The following THSD7A variants were observed in gnomAD, a reference collection of about 807,000 sequenced individuals.
The protein encoded by THSD7A is thrombospondin type 1 domain containing 7A.
In THSD7A, 96 loss-of-function variants were observed where a neutral mutation model predicts 231.3. The ratio of observed to expected loss-of-function variants is 0.41; its 90% confidence interval spans 0.35 to 0.49. THSD7A has a LOEUF of 0.49. Among genes scored for constraint, THSD7A ranks in the 20% least tolerant of loss-of-function variants. The pLI, the probability that THSD7A is intolerant of heterozygous loss-of-function variation, is 0.05. For synonymous variants in THSD7A, 940 were observed against 743.3 expected (o/e 1.26, Z -4.30); for missense variants, 2,290 against 2,070.2 (o/e 1.11, Z -2.06).
chr7:11,779,938 C>G (rs921961954), intron 1 of THSD7A, among the ~76,000 whole-genome samples: 3 of 152,176 alleles, frequency 2.0e-5, no homozygotes, highest in Non-Finnish European at 4.4e-5. Context: ...CAATGCACGT[C>G]TTTGGGTTTC....
chr7:11,805,113 G>A (rs1469158292), intron 1 of THSD7A, among the ~76,000 whole-genome samples: 2 of 152,044 alleles, frequency 1.3e-5, no homozygotes, highest in Admixed American at 1.3e-4. Context: ...AGCCTCTACT[G>A]TGTCCCTGAG....
chr7:11,390,668 G>A (rs10950346), intron 23 of THSD7A, among the ~76,000 whole-genome samples: 2 of 152,020 alleles, frequency 1.3e-5, no homozygotes, highest in East Asian at 3.9e-4. Flanking sequence ...GAGGGGAAGA[G>A]GCATTCTGGT....
chr7:11,821,447 C>T (rs1028989370), intron 1 of THSD7A, among the ~76,000 whole-genome samples: 34 of 150,392 alleles, frequency 2.3e-4, no homozygotes, highest in African/African-American at 7.8e-4. Flanking sequence ...ATATTAGAAA[C>T]ATTTAATTTG....
rs568539143 is a variant in THSD7A at position 11,374,118 on chromosome 7, A to G, written c.*1676T>C. On this transcript the variant is annotated 3_prime_UTR_variant, in exon 28 of 28. Coordinates refer to ENST00000423059, the MANE Select transcript of THSD7A (RefSeq NM_015204.3). ...ATGACACCATGGAGAGCTAGCATTA[A>G]AAAACATCCAGACCAGGGGTCAGCA... 1 of 152,244 alleles carries G rather than the reference A, an allele frequency of 6.6e-6. No homozygotes were observed. The highest frequency in any genetic ancestry group is 1.9e-4 in the East Asian group (1 of 5,186). The allele number at this position is 152,244 out of a possible 1,614,324, so 9.4% of individuals were successfully genotyped here. A position where few individuals can be genotyped will look rare whatever the true frequency, so the allele number is the denominator to read the frequency against.
intron 9 of THSD7A, 30 bp from the exon 10 acceptor site, chr7:11,462,173 A>G: frequency 6.2e-7 from 1 of 1,610,360 alleles, no homozygotes; most frequent in East Asian, 2.2e-5. Context: ...TAACCTCTGT[A>G]CTTTACACTG....
In THSD7A at chr7:11,469,919, TG is replaced by T; in HGVS notation, c.2327del (p.Pro776HisfsTer70). On this transcript the variant is annotated frameshift_variant, in exon 9 of 28. Transcript: ENST00000423059. LOFTEE classifies it high-confidence loss of function. Reference protein sequence around the residue: ...LPCKKDCIVTPYSDWTSCPSS... With the variant: ...LPCKKDCIVTXYSDWTSCPSS... ...AGGGGCATGATGTCCAGTCACTATA[TG>T]GGGTCACAATACAGTCCTTCTTACA... 1 of 1,603,214 alleles carries T rather than the reference TG, an allele frequency of 6.2e-7. No individual in the cohort carries two copies. Among genetic ancestry groups the T allele is most frequent in the Non-Finnish European group, 8.5e-7 (1 of 1,174,312 alleles).
At chr7:11,731,919 A>G (rs1781749582) in intron 1 of THSD7A, among the ~76,000 whole-genome samples, 1 of 151,714 alleles carries the variant, frequency 6.6e-6, no homozygotes, top group Admixed American at 6.6e-5. Context: ...CAGAACCCCA[A>G]GTCCAGCTTA....
intron 9 of THSD7A, among the ~76,000 whole-genome samples, chr7:11,468,870 T>G (rs1309878508): frequency 1.3e-5 from 2 of 151,998 alleles, no homozygotes; most frequent in African/African-American, 2.4e-5. Flanking sequence ...ATAATAATTT[T>G]CTATCACTTC....
intron 2 of THSD7A, among the ~76,000 whole-genome samples, chr7:11,603,905 C>T (rs1331533197): frequency 6.7e-6 from 1 of 150,152 alleles, no homozygotes; most frequent in Non-Finnish European, 1.5e-5. Context: ...GGAAGGATAG[C>T]ATTGGGAGAT....
chr7:11,473,888 G>A (rs961513522), intron 8 of THSD7A, among the ~76,000 whole-genome samples: 2 of 152,058 alleles, frequency 1.3e-5, no homozygotes, highest in African/African-American at 4.8e-5. Context: ...TTGATATAGT[G>A]TTTTCTAGGG....
chr7:11,708,418 G>A (rs117153784), intron 1 of THSD7A, among the ~76,000 whole-genome samples: 1 of 150,542 alleles, frequency 6.6e-6, no homozygotes, highest in Non-Finnish European at 1.5e-5. Context: ...TTTATTGCTT[G>A]CTTTTTAATA....
At chr7:11,599,916 A>C (rs1019319384) in intron 2 of THSD7A, among the ~76,000 whole-genome samples, 4 of 151,874 alleles carry the variant, frequency 2.6e-5, no homozygotes, top group Admixed American at 1.3e-4. Flanking sequence ...CTAGAATATA[A>C]AGCAGTCAGA....
At chr7:11,428,198 A>G (rs527403721) in intron 14 of THSD7A, among the ~76,000 whole-genome samples, 3 of 152,350 alleles carry the variant, frequency 2.0e-5, no homozygotes, top group Non-Finnish European at 4.4e-5. Flanking sequence ...TACACAACTT[A>G]ACACCCACAC....
intron 1 of THSD7A, among the ~76,000 whole-genome samples, chr7:11,676,614 T>C (rs1035330250): frequency 6.6e-6 from 1 of 151,986 alleles, no homozygotes; most frequent in African/African-American, 2.4e-5. Flanking sequence ...GAGAACTTCA[T>C]GGAGCACACA....
At position 11,637,051 on chromosome 7, in the gene THSD7A, T is replaced by G. The variant is rs1781893664; in HGVS notation, c.191-90A>C. 14 of 1,182,932 alleles carry G rather than the reference T, an allele frequency of 1.2e-5. No homozygotes were observed. In the East Asian group the frequency reaches 3.3e-4, roughly 28 times the overall value. 73.3% of individuals were successfully genotyped at this position (1,182,932 alleles called of 1,614,324 possible). Reference sequence around the variant, plus strand: ...TCCAGAAAGACCTTTCAAGACCTAGTACATTAACTTCCCTGCGGTGTTACA... The same window carrying G: ...TCCAGAAAGACCTTTCAAGACCTAGGACATTAACTTCCCTGCGGTGTTACA... On this transcript the variant is annotated intron_variant, in intron 1 of 27. Transcript: ENST00000423059. This position sits in a 1 kb window ranked among gnomAD's most constrained non-coding sequence, Gnocchi z 4.2.
intron 9 of THSD7A, among the ~76,000 whole-genome samples, chr7:11,468,707 G>A (rs1008808426): frequency 2.0e-5 from 3 of 152,054 alleles, no homozygotes; most frequent in African/African-American, 7.2e-5. Context: ...GGTGGCATGT[G>A]CCTATAGTCT....
chr7:11,690,926 A>G (rs1357070986), intron 1 of THSD7A, among the ~76,000 whole-genome samples: 1 of 151,740 alleles, frequency 6.6e-6, no homozygotes, highest in East Asian at 2.0e-4. Flanking sequence ...GTAAATTCAA[A>G]GAAAAATGTT....
At chr7:11,794,348 A>G (rs1166951753) in intron 1 of THSD7A, among the ~76,000 whole-genome samples, 1 of 152,010 alleles carries the variant, frequency 6.6e-6, no homozygotes, top group East Asian at 1.9e-4. Flanking sequence ...TGAGAATTTC[A>G]TATTGAGTCC....
At chr7:11,786,563 G>A (rs1783799175) in intron 1 of THSD7A, among the ~76,000 whole-genome samples, 1 of 151,826 alleles carries the variant, frequency 6.6e-6, no homozygotes, top group Non-Finnish European at 1.5e-5. Context: ...ATTAGAAAAA[G>A]CACTTGAGAC....
Sources: gnomAD v4.1 joint callset for allele counts (sites outside exome capture counted in the v4.1 genomes callset) on GRCh38, gnomAD v4.1.1 for gene constraint, Gnocchi (gnomAD v3.1) non-coding constraint, MANE v1.5 for transcripts, NCBI Gene and HGNC (gene_info 2026-07-23, HGNC 2026-07-21) for gene names.